MDN1: variants seen among roughly 807,000 people sequenced by gnomAD.
The protein encoded by MDN1 is midasin.
A neutral mutation model predicts 669.2 loss-of-function variants in MDN1; 266 were observed. The observed-to-expected ratio is 0.40, with a 90% CI of 0.36 to 0.44. The LOEUF (loss-of-function observed/expected upper bound fraction) is 0.44, where lower values mean the gene tolerates loss of function less well. MDN1 is among the 20% of genes least tolerant of loss of function. The probability of loss-of-function intolerance (pLI) is 1.00; values close to 1 mark genes in which losing one functional copy is unlikely to be tolerated. For missense variants in MDN1, 5,940 were observed against 6,754.0 expected (o/e 0.88, Z 4.22); for synonymous variants, 2,385 against 2,457.1 (o/e 0.97, Z 0.87).
intron 52 of MDN1, among the ~76,000 whole-genome samples, chr6:89,707,083 G>A (rs1057016221): frequency 1.4e-4 from 22 of 152,086 alleles, no homozygotes; most frequent in African/African-American, 4.8e-4. Context: ...CCGTGTCTCC[G>A]TTTCCTCACT....
intron 65 of MDN1, 80 bp downstream of exon 65, chr6:89,689,790 T>C: frequency 6.8e-7 from 1 of 1,464,540 alleles, no homozygotes; most frequent in Non-Finnish European, 9.2e-7. Context: ...TTCATGAGTG[T>C]GATTGTTACA....
chr6:89,705,398 A>G (rs1309375726), intron 53 of MDN1, among the ~76,000 whole-genome samples: 1 of 152,232 alleles, frequency 6.6e-6, no homozygotes, highest in Admixed American at 6.5e-5. Context: ...CTACTTTACT[A>G]GACTTACTAG....
intron 27 of MDN1, among the ~76,000 whole-genome samples, 164 bp downstream of exon 27, chr6:89,747,165 G>A (rs1374474227): frequency 6.6e-6 from 1 of 152,190 alleles, no homozygotes; most frequent in Admixed American, 6.5e-5. Flanking sequence ...AGGCCTGCAG[G>A]AATAAGATCA....
At chr6:89,649,976 C>T in intron 97 of MDN1, 48 bp downstream of exon 97, 1 of 1,595,232 alleles carries the variant, frequency 6.3e-7, no homozygotes, top group Non-Finnish European at 8.6e-7. Context: ...TGGAACATAG[C>T]TTGATGTTAA....
chr6:89,651,210 A>G (rs575093710), intron 95 of MDN1, among the ~76,000 whole-genome samples: 1 of 151,350 alleles, frequency 6.6e-6, no homozygotes, highest in South Asian at 2.1e-4. Flanking sequence ...CTGTAATCCC[A>G]GCTACTCAGG....
intron 9 of MDN1, among the ~76,000 whole-genome samples, chr6:89,784,673 A>G (rs1379796169): frequency 1.3e-5 from 2 of 152,250 alleles, no homozygotes; most frequent in Non-Finnish European, 2.9e-5. Flanking sequence ...CTTCAAATCA[A>G]CTTAGTAAAA....
In MDN1 at chr6:89,747,670, T is replaced by G. The variant is rs1368884616; in HGVS notation, c.3763-200A>C. Among the ~76,000 whole-genome samples the G allele has an allele frequency of 2.0e-5, 3 of 151,504 alleles. No individual in the cohort carries two copies. In the East Asian group the frequency reaches 5.8e-4, roughly 29 times the overall value. ...ACTTTGGAAGGCCAAGGCGGGCGGA[T>G]CACAAGGTCAGGAAATCGAGACCAT... On this transcript the variant is annotated intron_variant, in intron 26 of 101. Coordinates refer to ENST00000369393, the MANE Select transcript of MDN1 (RefSeq NM_014611.3).
intron 2 of MDN1, among the ~76,000 whole-genome samples, chr6:89,798,532 T>C (rs1819737011): frequency 6.6e-6 from 1 of 151,536 alleles, no homozygotes; most frequent in South Asian, 2.1e-4. Flanking sequence ...AAATCTATGA[T>C]GAATTTTAAG....
At chr6:89,762,783 G>A (rs1375228449) in intron 15 of MDN1, among the ~76,000 whole-genome samples, 2 of 152,174 alleles carry the variant, frequency 1.3e-5, no homozygotes, top group African/African-American at 4.8e-5. Context: ...AGCCTAGCAT[G>A]GCTGCTCACA....
chr6:89,670,139 C>CATATATATATATATAT (rs1168606501), intron 83 of MDN1, among the ~76,000 whole-genome samples: 12 of 48,978 alleles, frequency 2.5e-4, no homozygotes, highest in Admixed American at 1.3e-3. Flanking sequence ...TCCAAAAAAA[C>CATATATATATATATAT]ATATATATAT....
rs1808250772 is a variant in MDN1, at chr6:89,642,812, C to T, written c.*1193G>A. The stretch of plus-strand genomic sequence containing the variant: ...CAGTGGTATATGTTTTAATAGTTTT[C>T]AGAATATAAGCTGCATAGCTTTTTA... On this transcript the variant is annotated 3_prime_UTR_variant, in exon 102 of 102. Transcript: ENST00000369393. 1.3e-5 allele frequency: 2 copies of T among 152,180 alleles called. 1 individual carries two copies. The highest frequency in any genetic ancestry group is 4.1e-4 in the South Asian group (2 of 4,826). The allele number at this position is 152,180 out of a possible 1,614,324, so 9.4% of individuals were successfully genotyped here.
chr6:89,783,504 C>G (rs1431706481), intron 9 of MDN1, among the ~76,000 whole-genome samples: 1 of 152,114 alleles, frequency 6.6e-6, no homozygotes, highest in African/African-American at 2.4e-5. Context: ...TGCTTTTGCC[C>G]TTTGCCTTGT....
chr6:89,731,190 C>T (rs1293697834), intron 34 of MDN1, among the ~76,000 whole-genome samples: 2 of 152,178 alleles, frequency 1.3e-5, no homozygotes, highest in Non-Finnish European at 2.9e-5. Flanking sequence ...CCTAATATGG[C>T]ACTAGTAACC....
intron 1 of MDN1, among the ~76,000 whole-genome samples, chr6:89,813,924 T>TAAAAAAAAAAAAA (rs61034558): frequency 7.4e-6 from 1 of 135,524 alleles, no homozygotes; most frequent in Non-Finnish European, 1.6e-5. Flanking sequence ...ACCTAAGATT[T>TAAAAAAAAAAAAA]AAAAAAAAAA....
At chr6:89,765,032 G>A (rs1193249137) in intron 15 of MDN1, among the ~76,000 whole-genome samples, 11 of 152,072 alleles carry the variant, frequency 7.2e-5, no homozygotes, top group African/African-American at 2.4e-4. Flanking sequence ...AGAGGTGGGC[G>A]GATCACGAGG....
chr6:89,650,718 A>G lies in MDN1; in HGVS notation c.16031+14T>C. 1 of 1,602,062 alleles carries G rather than the reference A, an allele frequency of 6.2e-7. No individual in the cohort carries two copies. Among genetic ancestry groups the G allele is most frequent in the Non-Finnish European group, 8.5e-7 (1 of 1,169,646 alleles). ...CTCAGGGCACTGTGAGGCCTTCCAG[A>G]GGGGAAGACTTACTTCAGCTTGGCT... On this transcript the variant is annotated intron_variant, in intron 96 of 101. Transcript: ENST00000369393.
rs1288179900 is a variant in MDN1, at chr6:89,670,153, TATATATATATA to T, written c.13956+755_13956+765del. ...CTCCAAAAAAACATATATATATATA[TATATATATATA>T]TATATATTTTTTTTTTTTTTTTTTT... On this transcript the variant is annotated intron_variant, in intron 83 of 101. Transcript: ENST00000369393. Among the ~76,000 whole-genome samples, 17 of 22,982 alleles carry T rather than the reference TATATATATATA, an allele frequency of 7.4e-4. 3 individuals are homozygous for T. Among genetic ancestry groups the T allele is most frequent in the Non-Finnish European group, 1.1e-3 (15 of 13,976 alleles). 15.1% of individuals were successfully genotyped at this position (22,982 alleles called of 152,430 possible). A position where few individuals can be genotyped will look rare whatever the true frequency, so the allele number is the denominator to read the frequency against.
At chr6:89,667,752 A>G (rs562583935) in intron 84 of MDN1, among the ~76,000 whole-genome samples, 1 of 152,268 alleles carries the variant, frequency 6.6e-6, no homozygotes, top group African/African-American at 2.4e-5. Flanking sequence ...TCATCAGTAA[A>G]TATCTGCCCA....
rs1812092893 is a variant in MDN1, at chr6:89,687,442, A to C, written c.11356-4T>G. On this transcript the variant is annotated splice_region_variant and splice_polypyrimidine_tract_variant and intron_variant, in intron 67 of 101. Coordinates refer to ENST00000369393, the MANE Select transcript of MDN1 (RefSeq NM_014611.3). ...GACTTGCATTTTCCTCCCAATCCTA[A>C]AGAAACAAAGATAAAATTTACTACA... The C allele has an allele frequency of 6.2e-7, 1 of 1,611,844 alleles. No individual in the cohort carries two copies. Among genetic ancestry groups the C allele is most frequent in the Non-Finnish European group, 8.5e-7 (1 of 1,178,192 alleles).
Sources: gnomAD v4.1 joint callset for allele counts (sites outside exome capture counted in the v4.1 genomes callset) on GRCh38, gnomAD v4.1.1 for gene constraint, MANE v1.5 for transcripts, NCBI Gene and HGNC (gene_info 2026-07-23, HGNC 2026-07-21) for gene names.